GRXCR2: variants seen among roughly 807,000 people sequenced by gnomAD.
The protein encoded by GRXCR2 is glutaredoxin domain-containing cysteine-rich protein 2.
In GRXCR2, 23 loss-of-function variants were observed where a neutral mutation model predicts 24.8. The observed-to-expected ratio is 0.93, with a 90% confidence interval of 0.67 to 1.32. The LOEUF is 1.32. Among genes scored for constraint, GRXCR2 ranks in the 40% most tolerant of loss-of-function variants. The probability of loss-of-function intolerance (pLI) is 0.00; values close to 1 mark genes in which losing one functional copy is unlikely to be tolerated. For missense variants in GRXCR2, 315 were observed against 303.4 expected, an observed-to-expected ratio of 1.04 and a Z score of -0.28; for synonymous variants, 130 against 116.1, an observed-to-expected ratio of 1.12 and a Z score of -0.77.
chr5:145,877,875 G>A (rs926185095), upstream of GRXCR2, among the ~76,000 whole-genome samples: 1 of 152,252 alleles, frequency 6.6e-6, no homozygotes, highest in Non-Finnish European at 1.5e-5. Context: ...CTGTTCTGCA[G>A]CATCTGCTGG....
chr5:145,928,638 A>C (rs2149931004), intron 2 of GRXCR2, among the ~76,000 whole-genome samples: 1 of 152,076 alleles, frequency 6.6e-6, no homozygotes, highest in Non-Finnish European at 1.5e-5. Flanking sequence ...CATTCTTAGC[A>C]AACTATCGCA....
chr5:145,864,839 T>C (rs1756401039), intron 2 of GRXCR2, among the ~76,000 whole-genome samples: 1 of 152,136 alleles, frequency 6.6e-6, no homozygotes, highest in South Asian at 2.1e-4. Context: ...CCTAATCAGA[T>C]TACATTTAAA....
At chr5:145,861,081 T>C (rs1431313752) in intron 2 of GRXCR2, among the ~76,000 whole-genome samples, 1 of 151,872 alleles carries the variant, frequency 6.6e-6, no homozygotes, top group Non-Finnish European at 1.5e-5. Context: ...TACCAAGTCC[T>C]GGCCATTTCA....
At chr5:145,917,432 A>T (rs1294255458) in intron 2 of GRXCR2, among the ~76,000 whole-genome samples, 1 of 152,146 alleles carries the variant, frequency 6.6e-6, no homozygotes, top group Non-Finnish European at 1.5e-5. Context: ...ATAGACAAGG[A>T]CCATGATCCA....
At chr5:145,874,289 C>T (rs1756579627), upstream of GRXCR2, among the ~76,000 whole-genome samples, 1 of 151,766 alleles carries the variant, frequency 6.6e-6, no homozygotes, top group Non-Finnish European at 1.5e-5. Context: ...CTGCAACCTC[C>T]ACCTCCTGAG....
chr5:145,906,618 C>A (rs927395164), intron 2 of GRXCR2, among the ~76,000 whole-genome samples: 6 of 152,130 alleles, frequency 3.9e-5, no homozygotes, highest in African/African-American at 1.2e-4. Flanking sequence ...GCTTTTCTGC[C>A]TTTTTGTCAT....
chr5:145,909,078 T>G (rs1205590463), intron 2 of GRXCR2, among the ~76,000 whole-genome samples: 1 of 152,214 alleles, frequency 6.6e-6, no homozygotes, highest in Non-Finnish European at 1.5e-5. Flanking sequence ...TGATAACACT[T>G]CTTGTCTTAT....
intron 2 of GRXCR2, among the ~76,000 whole-genome samples, chr5:145,904,649 T>C (rs1362226895): frequency 6.6e-6 from 1 of 152,158 alleles, no homozygotes; most frequent in Non-Finnish European, 1.5e-5. Context: ...CAGTGATTGG[T>C]TCGGGGTTGG....
intron 2 of GRXCR2, among the ~76,000 whole-genome samples, chr5:145,899,131 C>A (rs893170264): frequency 1.3e-5 from 2 of 151,920 alleles, no homozygotes; most frequent in African/African-American, 4.8e-5. Context: ...TGCTGAGAGC[C>A]AAATTAAGAA....
chr5:145,923,460 C>T (rs959858748), intron 2 of GRXCR2, among the ~76,000 whole-genome samples: 2 of 152,170 alleles, frequency 1.3e-5, no homozygotes, highest in African/African-American at 4.8e-5. Flanking sequence ...TCATGGAGCT[C>T]CCAGCTTTGG....
At chr5:145,887,405 G>T (rs1188527536) in intron 2 of GRXCR2, among the ~76,000 whole-genome samples, 1 of 152,212 alleles carries the variant, frequency 6.6e-6, no homozygotes. Context: ...GCTAGTCAAA[G>T]GTTCTTGATG....
intron 2 of GRXCR2, among the ~76,000 whole-genome samples, chr5:145,881,748 C>T (rs548093592): frequency 2.0e-5 from 3 of 152,342 alleles, no homozygotes; most frequent in Admixed American, 6.5e-5. Context: ...CTGGAGGCAT[C>T]ATGCTACCTG....
At chr5:145,869,168 C>A (rs1471887986) in intron 1 of GRXCR2, among the ~76,000 whole-genome samples, 2 of 152,162 alleles carry the variant, frequency 1.3e-5, no homozygotes, top group Admixed American at 6.5e-5. Flanking sequence ...GATAGACAGA[C>A]CTGAGTTCAG....
At position 145,906,849 on chromosome 5, in the gene GRXCR2, A is replaced by T. The variant is rs1024817623; in HGVS notation, c.-70+28852T>A. 5.1e-4 allele frequency among the ~76,000 whole-genome samples: 78 copies of T among 152,218 alleles called. 1 individual carries two copies. Among genetic ancestry groups the T allele is most frequent in the African/African-American group, 1.9e-3 (77 of 41,468 alleles). ...TAAACAAAATCAGTGAGTTAAATGT[A>T]TAGTATGCAAGATAGTGATCCGAAA... On this transcript the variant is annotated intron_variant, in intron 2 of 3. Coordinates refer to the GRXCR2 transcript ENST00000639411.
chr5:145,860,016 A>G lies in GRXCR2; in HGVS notation c.565-101T>C, dbSNP rs572747153. On this transcript the variant is annotated intron_variant, in intron 2 of 2. Coordinates refer to ENST00000377976, the MANE Select transcript of GRXCR2 (RefSeq NM_001080516.2). ...AGACTACAGCAAAGGCTGGGGCAGA[A>G]TAGAGGAAAATGCTTCCCACGAATG... 11 of 909,092 alleles carry G rather than the reference A, an allele frequency of 1.2e-5. No homozygotes were observed. The East Asian group carries it at 2.3e-4, about 19-fold the overall frequency. The allele number at this position is 909,092 out of a possible 1,614,324, so 56.3% of individuals were successfully genotyped here.
At chr5:145,875,158 A>C (rs1458049385), upstream of GRXCR2, among the ~76,000 whole-genome samples, 3 of 152,242 alleles carry the variant, frequency 2.0e-5, no homozygotes, top group Non-Finnish European at 2.9e-5. Flanking sequence ...TGCCCAGTAC[A>C]TAATAGAACT....
At chr5:145,901,611 G>A (rs976669644) in intron 2 of GRXCR2, among the ~76,000 whole-genome samples, 2 of 152,132 alleles carry the variant, frequency 1.3e-5, no homozygotes, top group African/African-American at 4.8e-5. Context: ...GGGATTGGGA[G>A]TACTAAACTC....
chr5:145,864,624 C>T (rs1756397361), intron 2 of GRXCR2, among the ~76,000 whole-genome samples: 1 of 152,132 alleles, frequency 6.6e-6, no homozygotes. Context: ...CTCAAGCTCT[C>T]TCTCTCTCTT....
At position 145,893,254 on chromosome 5, in the gene GRXCR2, A is replaced by G. The variant is rs573001829; in HGVS notation, c.-69-26526T>C. On this transcript the variant is annotated intron_variant, in intron 2 of 3. Transcript: ENST00000639411. The stretch of plus-strand genomic sequence containing the variant: ...AGGCAAAATAACCAGCTAACATCAT[A>G]ATGACAGGATCAGATTCACACATAA... Among the ~76,000 whole-genome samples the G allele has an allele frequency of 2.0e-5, 3 of 152,320 alleles. No individual in the cohort carries two copies. The South Asian group carries it at 6.2e-4, about 32-fold the overall frequency.
Sources: gnomAD v4.1 joint callset for allele counts (sites outside exome capture counted in the v4.1 genomes callset) on GRCh38, gnomAD v4.1.1 for gene constraint, MANE v1.5 for transcripts, NCBI Gene and HGNC (gene_info 2026-07-23, HGNC 2026-07-21) for gene names.